IL23R: variants seen among roughly 807,000 people sequenced by gnomAD.
IL23R encodes interleukin 23 receptor.
In IL23R, 34 loss-of-function variants were observed where a neutral mutation model predicts 56.9. The observed-to-expected ratio is 0.60, with a 90% CI of 0.45 to 0.80. The LOEUF (loss-of-function observed/expected upper bound fraction) is 0.80. Among genes scored for constraint, IL23R ranks in the 30% least tolerant of loss-of-function variants. IL23R has a pLI of 0.00. For synonymous variants in IL23R, 230 were observed against 249.2 expected, an observed-to-expected ratio of 0.92 and a Z score of 0.73; for missense variants, 635 against 730.0, an observed-to-expected ratio of 0.87 and a Z score of 1.50.
upstream of IL23R, among the ~76,000 whole-genome samples, chr1:67,165,238 CA>C (rs543241690): frequency 2.6e-3 from 388 of 152,038 alleles, no homozygotes; most frequent in Non-Finnish European, 4.6e-3. Flanking sequence ...CAACCAAAAC[CA>C]AAAAACAAAA....
At chr1:67,205,877 T>TTC (rs1285980765) in intron 5 of IL23R, among the ~76,000 whole-genome samples, 2 of 29,482 alleles carry the variant, frequency 6.8e-5, no homozygotes, top group Admixed American at 3.0e-4. Context: ...ACATCCATCT[T>TTC]TCTTTCTTTC....
At chr1:67,193,841 G>A (rs1647923248) in intron 4 of IL23R, among the ~76,000 whole-genome samples, 1 of 152,164 alleles carries the variant, frequency 6.6e-6, no homozygotes. Context: ...CCTGGAGGTA[G>A]CATCAGATCC....
chr1:67,196,333 G>T (rs1648151868), intron 4 of IL23R: 2 of 152,096 alleles, frequency 1.3e-5, no homozygotes, highest in South Asian at 4.1e-4. Flanking sequence ...TTTGAGAACA[G>T]CCTGGGCAAC....
intron 4 of IL23R, among the ~76,000 whole-genome samples, chr1:67,186,677 G>A (rs886460888): frequency 6.6e-6 from 1 of 152,186 alleles, no homozygotes; most frequent in African/African-American, 2.4e-5. Flanking sequence ...GGAGTGCAAT[G>A]GTGTGATCTC....
At chr1:67,208,109 C>A (rs145406011) in intron 6 of IL23R, among the ~76,000 whole-genome samples, 76 of 152,198 alleles carry the variant, frequency 5.0e-4, no homozygotes, top group Middle Eastern at 3.4e-3. Flanking sequence ...ACTTTGAACT[C>A]GAAAGATGAT....
chr1:67,192,319 C>T (rs1474259635), intron 4 of IL23R, among the ~76,000 whole-genome samples: 2 of 152,172 alleles, frequency 1.3e-5, no homozygotes, highest in Non-Finnish European at 2.9e-5. Context: ...TTTAGAAAGT[C>T]CTTGGGAACA....
chr1:67,148,118 C>G (rs929957688), intron 1 of IL23R, among the ~76,000 whole-genome samples: 2 of 152,340 alleles, frequency 1.3e-5, no homozygotes, highest in South Asian at 2.1e-4. Context: ...GGAACAATGG[C>G]GAGCCTCTAG....
At chr1:67,173,479 C>A (rs917407932) in intron 3 of IL23R, among the ~76,000 whole-genome samples, 1 of 152,062 alleles carries the variant, frequency 6.6e-6, no homozygotes, top group African/African-American at 2.4e-5. Flanking sequence ...CAATGAGGGA[C>A]CACAACTCAA....
At chr1:67,224,615 T>A (rs986984486) in intron 7 of IL23R, among the ~76,000 whole-genome samples, 8 of 152,230 alleles carry the variant, frequency 5.3e-5, no homozygotes, top group African/African-American at 1.7e-4. Context: ...ATTAAAAACC[T>A]GGTCTCAAAA....
At chr1:67,221,440 TC>T (rs1650246870) in intron 7 of IL23R, among the ~76,000 whole-genome samples, 1 of 152,140 alleles carries the variant, frequency 6.6e-6, no homozygotes, top group African/African-American at 2.4e-5. Flanking sequence ...AGAATTCTCT[TC>T]TCCTCAACAG....
chr1:67,148,267 T>G (rs1331868285), intron 1 of IL23R, among the ~76,000 whole-genome samples: 3 of 152,218 alleles, frequency 2.0e-5, no homozygotes, highest in Non-Finnish European at 4.4e-5. Flanking sequence ...AAAGCTCAGC[T>G]CCAGCCAGAA....
chr1:67,250,557 C>T (rs1211158341), intron 9 of IL23R, among the ~76,000 whole-genome samples: 2 of 152,112 alleles, frequency 1.3e-5, no homozygotes, highest in East Asian at 1.9e-4. Context: ...TAATATCTGA[C>T]CTGTCTAATT....
chr1:67,162,952 T>C (rs1408035847), upstream of IL23R, among the ~76,000 whole-genome samples: 1 of 152,208 alleles, frequency 6.6e-6, no homozygotes, highest in Non-Finnish European at 1.5e-5. Context: ...CTTCAAGAGC[T>C]AGAGTTGTAT....
At position 67,194,498 on chromosome 1, in the gene IL23R, T is replaced by C. The variant is rs77256735; in HGVS notation, c.492-6239T>C. Among the ~76,000 whole-genome samples, 549 of 152,328 alleles carry C rather than the reference T, an allele frequency of 3.6e-3. 5 individuals carry two copies. The highest frequency in any genetic ancestry group is 0.013 in the African/African-American group (529 of 41,576). On this transcript the variant is annotated intron_variant, in intron 4 of 10. Coordinates refer to ENST00000347310, the MANE Select transcript of IL23R (RefSeq NM_144701.3). ...TATTATGTCACAATATCACAAGTTC[T>C]ATATAAAAATAACCCTAAGGTGTAA...
At chr1:67,152,291 G>A (rs75596550) in intron 1 of IL23R, among the ~76,000 whole-genome samples, 1 of 152,162 alleles carries the variant, frequency 6.6e-6, no homozygotes, top group Non-Finnish European at 1.5e-5. Flanking sequence ...AGGAATGCTT[G>A]TGATTTTGAT....
At chr1:67,258,138 C>A (rs1248398611) in intron 10 of IL23R, among the ~76,000 whole-genome samples, 1 of 152,090 alleles carries the variant, frequency 6.6e-6, no homozygotes, top group African/African-American at 2.4e-5. Context: ...CCTCAGAAGA[C>A]CAACTTTTAA....
At chr1:67,265,147 G>C in the IL23R span, among the ~76,000 whole-genome samples, 1 of 152,318 alleles carries the variant, frequency 6.6e-6, no homozygotes, top group Admixed American at 6.5e-5. Flanking sequence ...AAACGTTACT[G>C]TTTTCTTTCT....
chr1:67,261,977 C>T (rs889487526), downstream of IL23R, among the ~76,000 whole-genome samples: 2 of 152,152 alleles, frequency 1.3e-5, no homozygotes, highest in African/African-American at 4.8e-5. Context: ...TTGCCATTAG[C>T]CCTTGTTGGT....
At chr1:67,198,525 T>C (rs1247253934) in intron 4 of IL23R, among the ~76,000 whole-genome samples, 78 of 152,246 alleles carry the variant, frequency 5.1e-4, no homozygotes, top group Admixed American at 5.0e-3. Flanking sequence ...TGATACTTAA[T>C]AGCCCTCTCT....
Sources: gnomAD v4.1 joint callset for allele counts (sites outside exome capture counted in the v4.1 genomes callset) on GRCh38, gnomAD v4.1.1 for gene constraint, MANE v1.5 for transcripts, NCBI Gene and HGNC (gene_info 2026-07-23, HGNC 2026-07-21) for gene names.